ALK: variants seen among roughly 807,000 people sequenced by gnomAD.
The protein encoded by ALK is ALK receptor tyrosine kinase, also known as ALK tyrosine kinase receptor.
In ALK, 74 loss-of-function variants were observed where a neutral mutation model predicts 163.1. The ratio of observed to expected loss-of-function variants is 0.45; its 90% confidence interval spans 0.38 to 0.55. ALK has a LOEUF of 0.55. ALK is among the 20% of genes least tolerant of loss of function. The probability of loss-of-function intolerance (pLI) is 0.00; values close to 1 mark genes in which losing one functional copy is unlikely to be tolerated. For missense variants in ALK, 2,063 were observed against 2,105.3 expected (o/e 0.98, Z 0.39); for synonymous variants, 960 against 843.2 (o/e 1.14, Z -2.40).
intron 1 of ALK, among the ~76,000 whole-genome samples, chr2:29,806,407 G>A (rs187066651): frequency 9.4e-4 from 143 of 152,252 alleles, no homozygotes; most frequent in African/African-American, 3.2e-3. Context: ...AAATGAGATC[G>A]AAATCTAGGA....
chr2:29,556,655 C>T (rs777928744), intron 3 of ALK, among the ~76,000 whole-genome samples: 1 of 152,148 alleles, frequency 6.6e-6, no homozygotes, highest in Non-Finnish European at 1.5e-5. Flanking sequence ...TAGGGTTTTG[C>T]TATTGATTTT....
intron 4 of ALK, among the ~76,000 whole-genome samples, chr2:29,500,941 G>T (rs982663837): frequency 6.6e-6 from 1 of 152,048 alleles, no homozygotes; most frequent in Non-Finnish European, 1.5e-5. Flanking sequence ...CCTCCTTTCT[G>T]GCATATTCTT....
chr2:29,226,050 A>G (rs1663975430), intron 18 of ALK, among the ~76,000 whole-genome samples: 1 of 152,142 alleles, frequency 6.6e-6, no homozygotes, highest in Non-Finnish European at 1.5e-5. Context: ...ACTGGACACT[A>G]CATTTCAAAA....
At chr2:29,766,163 C>T (rs1680856912) in intron 1 of ALK, among the ~76,000 whole-genome samples, 3 of 152,168 alleles carry the variant, frequency 2.0e-5, no homozygotes, top group Non-Finnish European at 2.9e-5. Flanking sequence ...CTGGTATAAA[C>T]AATGCTATTA....
At chr2:29,366,751 C>A (rs1471939030) in intron 5 of ALK, among the ~76,000 whole-genome samples, 1 of 152,146 alleles carries the variant, frequency 6.6e-6, no homozygotes, top group African/African-American at 2.4e-5. Flanking sequence ...GAGAGAAGAA[C>A]AATTCTGAAT....
chr2:29,260,952 A>C (rs1247937585), intron 11 of ALK, among the ~76,000 whole-genome samples: 1 of 151,930 alleles, frequency 6.6e-6, no homozygotes, highest in Non-Finnish European at 1.5e-5. Context: ...ATTCTCTATT[A>C]TCCCTTTCCT....
Position 29,532,062 on chromosome 2 carries a change from G to A in ALK, c.1007C>T (p.Pro336Leu), listed in dbSNP as rs1450440625. Reference protein sequence around the residue: ...SADSKHTILSPWMRSSSEHCT... With the variant: ...SADSKHTILSLWMRSSSEHCT... ...GTGCTCACTGCTGCTCCTCATCCAC[G>A]GACTCAGGATGGTGTGCTTGGAGTC... Residue 336 changes from proline (P) to leucine (L), a missense_variant, in exon 4 of 29, where the codon CCG (proline) becomes CTG (leucine). Physicochemically the swap from Pro to Leu is moderately conservative, Grantham distance 98. Coordinates refer to ENST00000389048, the MANE Select transcript of ALK (RefSeq NM_004304.5). 4 of 1,614,044 alleles carry A rather than the reference G, an allele frequency of 2.5e-6. No homozygotes were observed. The highest frequency in any genetic ancestry group is 3.3e-4 in the Middle Eastern group (2 of 6,062).
chr2:29,842,319 G>A (rs1407689042), intron 1 of ALK, among the ~76,000 whole-genome samples: 1 of 152,160 alleles, frequency 6.6e-6, no homozygotes, highest in East Asian at 1.9e-4. Flanking sequence ...AGTAACAAGG[G>A]ATTTATTGGA....
chr2:29,561,316 T>C (rs916414006), intron 3 of ALK, among the ~76,000 whole-genome samples: 1 of 152,120 alleles, frequency 6.6e-6, no homozygotes, highest in Non-Finnish European at 1.5e-5. Context: ...CAGCCCCATA[T>C]GGAAACTGAG....
At chr2:29,372,509 A>T (rs1668661849) in intron 5 of ALK, among the ~76,000 whole-genome samples, 1 of 152,194 alleles carries the variant, frequency 6.6e-6, no homozygotes, top group African/African-American at 2.4e-5. Context: ...GACACAGGGA[A>T]TGGTAGAGCT....
chr2:29,919,259 C>A (rs1419322559), intron 1 of ALK, among the ~76,000 whole-genome samples: 1 of 152,060 alleles, frequency 6.6e-6, no homozygotes, highest in Non-Finnish European at 1.5e-5. Flanking sequence ...GCAGGAAAAC[C>A]AACGATGGTT....
chr2:29,384,429 C>T (rs776688818), intron 4 of ALK, among the ~76,000 whole-genome samples: 25 of 152,118 alleles, frequency 1.6e-4, no homozygotes, highest in Non-Finnish European at 3.2e-4. Context: ...CTAAGACTGA[C>T]GTGGACTTTG....
At chr2:29,572,581 T>C (rs533854142) in intron 3 of ALK, among the ~76,000 whole-genome samples, 3 of 152,282 alleles carry the variant, frequency 2.0e-5, no homozygotes, top group African/African-American at 7.2e-5. Context: ...GTGGTTATTA[T>C]ATTCTCATAG....
At chr2:29,657,104 C>A (rs1677206284) in intron 3 of ALK, among the ~76,000 whole-genome samples, 1 of 152,000 alleles carries the variant, frequency 6.6e-6, no homozygotes, top group African/African-American at 2.4e-5. Context: ...GATCCAGTGC[C>A]CTTGCCCTGC....
chr2:29,417,157 T>G (rs1669902921), intron 4 of ALK, among the ~76,000 whole-genome samples: 1 of 151,892 alleles, frequency 6.6e-6, no homozygotes, highest in Non-Finnish European at 1.5e-5. Flanking sequence ...CCGGCTAATT[T>G]TTTTGTAGTT....
intron 1 of ALK, among the ~76,000 whole-genome samples, chr2:29,808,992 T>G (rs571999628): frequency 7.7e-4 from 117 of 152,330 alleles, no homozygotes; most frequent in Non-Finnish European, 1.4e-3. Flanking sequence ...CCATCCATAC[T>G]CACCTGCCAT....
intron 3 of ALK, among the ~76,000 whole-genome samples, chr2:29,668,900 G>A (rs1264357235): frequency 6.6e-6 from 1 of 152,022 alleles, no homozygotes; most frequent in East Asian, 1.9e-4. Context: ...GTGTGTACAG[G>A]GGAACTCCCC....
intron 1 of ALK, among the ~76,000 whole-genome samples, chr2:29,848,201 A>G (rs1665896213): frequency 6.6e-6 from 1 of 152,160 alleles, no homozygotes; most frequent in African/African-American, 2.4e-5. Context: ...TAAGCAGTAC[A>G]GTGGGACTTC....
chr2:29,483,625 G>A (rs989031349), intron 4 of ALK, among the ~76,000 whole-genome samples: 1 of 152,138 alleles, frequency 6.6e-6, no homozygotes, highest in African/African-American at 2.4e-5. Context: ...AATGCATAGA[G>A]AATAATTTAA....
Sources: gnomAD v4.1 joint callset for allele counts (sites outside exome capture counted in the v4.1 genomes callset) on GRCh38, gnomAD v4.1.1 for gene constraint, MANE v1.5 for transcripts, NCBI Gene and HGNC (gene_info 2026-07-23, HGNC 2026-07-21) for gene names.